Variants in KPNA7 observed in about 807,000 individuals in gnomAD.
KPNA7 encodes importin subunit alpha-8.
A neutral mutation model predicts 53.7 loss-of-function variants in KPNA7; 54 were observed. That is an observed-to-expected ratio of 1.01 (90% CI 0.81 to 1.26). The LOEUF (loss-of-function observed/expected upper bound fraction) is 1.26, where lower values mean the gene tolerates loss of function less well. KPNA7 is among the 50% of genes most tolerant of loss of function. The probability of loss-of-function intolerance (pLI) is 0.00; values close to 1 mark genes in which losing one functional copy is unlikely to be tolerated. For synonymous variants in KPNA7, 276 were observed against 259.3 expected, an observed-to-expected ratio of 1.06 and a Z score of -0.62; for missense variants, 640 against 644.5, an observed-to-expected ratio of 0.99 and a Z score of 0.07.
chr7:99,213,717 C>G (rs1056280748), intron 1 of KPNA7, among the ~76,000 whole-genome samples: 1 of 151,920 alleles, frequency 6.6e-6, no homozygotes, highest in African/African-American at 2.4e-5. Context: ...CTCAAGCAAT[C>G]CTCTCACCTC....
intron 2 of KPNA7, among the ~76,000 whole-genome samples, chr7:99,205,445 T>TGG: frequency 6.7e-6 from 1 of 150,014 alleles, no homozygotes; most frequent in Non-Finnish European, 1.5e-5. Flanking sequence ...AGTGATTTTG[T>TGG]TCCTGATGGT....
Position 99,190,105 on chromosome 7 carries a change from G to A in KPNA7, c.637-1542C>T, listed in dbSNP as rs369863442. On this transcript the variant is annotated intron_variant, in intron 6 of 10. Transcript: ENST00000327442. The stretch of plus-strand genomic sequence containing the variant: ...TGTAACCCCAACACTTTGGGAGGCC[G>A]AGGCAGGTGGATCATGAGGTCAGGG... Among the ~76,000 whole-genome samples, 3 of 152,130 alleles carry A rather than the reference G, an allele frequency of 2.0e-5. No homozygotes were observed. In the East Asian group the frequency reaches 5.8e-4, roughly 30 times the overall value.
the KPNA7 span, among the ~76,000 whole-genome samples, chr7:99,148,919 G>C: frequency 8.0e-6 from 1 of 124,840 alleles, no homozygotes; most frequent in Non-Finnish European, 1.7e-5. Flanking sequence ...TTTTTGAGAC[G>C]GAGTCTTGCA....
At chr7:99,174,568 C>A (rs906771183) in intron 10 of KPNA7, among the ~76,000 whole-genome samples, 1 of 152,132 alleles carries the variant, frequency 6.6e-6, no homozygotes, top group East Asian at 1.9e-4. Context: ...CTGGCAACCA[C>A]CATTCTACTT....
chr7:99,161,992 A>T, the KPNA7 span, among the ~76,000 whole-genome samples: 1 of 152,106 alleles, frequency 6.6e-6, no homozygotes. Context: ...TTCAGGAAAA[A>T]ACAGCAGATA....
At chr7:99,151,025 G>A in the KPNA7 span, among the ~76,000 whole-genome samples, 5 of 152,096 alleles carry the variant, frequency 3.3e-5, no homozygotes, top group East Asian at 3.9e-4. Flanking sequence ...ACTTAAATAC[G>A]TTCACAGAAA....
intron 7 of KPNA7, among the ~76,000 whole-genome samples, chr7:99,187,805 A>T (rs1303261520): frequency 0.066 from 448 of 6,830 alleles, 40 homozygotes; most frequent in African/African-American, 0.099. Context: ...TTTTTAAAAA[A>T]AAAAAAAAAA....
rs565370771 is a variant in KPNA7 at position 99,195,287 on chromosome 7, C to T, written c.336G>A (p.Ala112=). 77 of 1,551,612 alleles carry T rather than the reference C, an allele frequency of 5.0e-5. No homozygotes were observed. In the East Asian group the frequency reaches 7.8e-4, roughly 16 times the overall value. Residue 112 remains alanine, a synonymous_variant, in exon 5 of 11, where the codon GCG becomes GCA. Coordinates refer to ENST00000327442, the MANE Select transcript of KPNA7 (RefSeq NM_001145715.3). Reference sequence around the variant, plus strand: ...ACTCCACCATCCTGGGAATGAGGCCCGCTTCAATGACCAGTTTCAGAGGGG... The same window carrying T: ...ACTCCACCATCCTGGGAATGAGGCCTGCTTCAATGACCAGTTTCAGAGGGG... ...KNPPLKLVIE[A]GLIPRMVEFL...
At chr7:99,210,566 A>G (rs919338430), upstream of KPNA7, among the ~76,000 whole-genome samples, 1 of 151,954 alleles carries the variant, frequency 6.6e-6, no homozygotes, top group African/African-American at 2.4e-5. Flanking sequence ...CTTTTTTTAA[A>G]TTGGAGGGAG....
intron 10 of KPNA7, among the ~76,000 whole-genome samples, chr7:99,175,681 A>AT (rs2150695301): frequency 1.3e-5 from 2 of 150,254 alleles, no homozygotes; most frequent in Admixed American, 6.6e-5. Flanking sequence ...CACCCAACTA[A>AT]TTTTGTATTT....
At chr7:99,209,682 CAAAAAAAA>C (rs60377276), upstream of KPNA7, among the ~76,000 whole-genome samples, 6 of 73,532 alleles carry the variant, frequency 8.2e-5, no homozygotes, top group East Asian at 5.6e-4. Context: ...GACTCCAACT[CAAAAAAAA>C]AAAAAAAAAA....
the KPNA7 span, among the ~76,000 whole-genome samples, chr7:99,164,379 A>G: frequency 1.4e-4 from 22 of 152,120 alleles, no homozygotes; most frequent in Middle Eastern, 3.4e-3. Context: ...TCAGCAAACT[A>G]TGGCAAGGAC....
the KPNA7 span, among the ~76,000 whole-genome samples, chr7:99,168,136 C>G: frequency 2.6e-5 from 4 of 152,122 alleles, no homozygotes; most frequent in Non-Finnish European, 5.9e-5. Flanking sequence ...ACTTGACTTA[C>G]CTTACATTGG....
In KPNA7 at chr7:99,177,903, G is replaced by T. The variant is rs754846015; in HGVS notation, c.1464+17C>A. On this transcript the variant is annotated intron_variant, in intron 10 of 10. Transcript: ENST00000327442. The stretch of plus-strand genomic sequence containing the variant: ...CCAAGACCCCTGGATACTCCTCCAC[G>T]CTCCTAAGTCACTTACCTCACCAAA... 1 of 1,550,882 alleles carries T rather than the reference G, an allele frequency of 6.4e-7. No individual in the cohort carries two copies. The highest frequency in any genetic ancestry group is 8.7e-7 in the Non-Finnish European group (1 of 1,146,602).
chr7:99,196,002 A>G, intron 4 of KPNA7, 82 bp downstream of exon 4: 1 of 1,180,160 alleles, frequency 8.5e-7, no homozygotes, highest in Non-Finnish European at 1.2e-6. Flanking sequence ...CAAGAAACCA[A>G]ATAGGCCACC....
chr7:99,168,634 C>A (rs575435217), downstream of KPNA7, among the ~76,000 whole-genome samples: 21 of 152,214 alleles, frequency 1.4e-4, no homozygotes, highest in African/African-American at 4.8e-4. Flanking sequence ...CCTCAGGCTC[C>A]CAAGCAGCTA....
At chr7:99,178,801 A>G (rs1432742139) in intron 9 of KPNA7, among the ~76,000 whole-genome samples, 3 of 120,444 alleles carry the variant, frequency 2.5e-5, no homozygotes, top group Admixed American at 8.5e-5. Flanking sequence ...AAAAAAAAAA[A>G]AAAAAGAGTC....
the KPNA7 span, among the ~76,000 whole-genome samples, chr7:99,163,338 G>A: frequency 1.6e-5 from 2 of 121,692 alleles, no homozygotes; most frequent in Non-Finnish European, 3.3e-5. Flanking sequence ...TTTTATATAT[G>A]CACTATAAAT....
At chr7:99,192,996 A>T in intron 6 of KPNA7, 23 bp downstream of exon 6, 2 of 1,443,380 alleles carry the variant, frequency 1.4e-6, no homozygotes, top group Non-Finnish European at 9.3e-7. Flanking sequence ...AAAAAAAAAA[A>T]AGAGAAAGAA....
Sources: gnomAD v4.1 joint callset for allele counts (sites outside exome capture counted in the v4.1 genomes callset) on GRCh38, gnomAD v4.1.1 for gene constraint, MANE v1.5 for transcripts, NCBI Gene and HGNC (gene_info 2026-07-23, HGNC 2026-07-21) for gene names.